SLC4A9: variants seen among roughly 807,000 people sequenced by gnomAD.
SLC4A9 encodes the protein anion exchange protein 4.
SLC4A9 carries 102 observed loss-of-function variants against 103.2 expected under a neutral mutation model. The ratio of observed to expected loss-of-function variants is 0.99; its 90% CI spans 0.84 to 1.17. The LOEUF is 1.17. Ranked by LOEUF, SLC4A9 falls within the 50% of genes most tolerant of loss-of-function variation. The probability of loss-of-function intolerance (pLI) is 0.00; values close to 1 mark genes in which losing one functional copy is unlikely to be tolerated. For synonymous variants in SLC4A9, 453 were observed against 483.6 expected (o/e 0.94, Z 0.83); for missense variants, 1,091 against 1,193.7 (o/e 0.91, Z 1.27).
chr5:140,363,417 C>A lies in SLC4A9; in HGVS notation c.963-22C>A. The A allele has an allele frequency of 1.6e-5, 25 of 1,548,466 alleles. No individual in the cohort carries two copies. The highest frequency in any genetic ancestry group is 2.1e-5 in the Non-Finnish European group (24 of 1,144,694). ...GACTGGTTGGAGATCCTCAGCCAAC[C>A]TGGGGTTCCCCTCCTCCTCAGGCTT... On this transcript the variant is annotated intron_variant, in intron 7 of 21. Coordinates refer to ENST00000506757, the MANE Select transcript of SLC4A9 (RefSeq NM_031467.3). This position sits in a 1 kb window ranked among gnomAD's most constrained non-coding sequence, Gnocchi z 4.5.
At chr5:140,361,191 G>A (rs1265035134) in intron 2 of SLC4A9, 63 bp from the exon 3 acceptor site, 3 of 1,427,532 alleles carry the variant, frequency 2.1e-6, no homozygotes, top group Non-Finnish European at 2.9e-6. Context: ...GGCAGAGGGA[G>A]AAGGGGAAGA....
intron 14 of SLC4A9, among the ~76,000 whole-genome samples, chr5:140,366,937 CA>C (rs1323792283): frequency 6.6e-6 from 1 of 152,200 alleles, no homozygotes; most frequent in East Asian, 1.9e-4. Flanking sequence ...CAAATTCCCC[CA>C]AGACAGGAGA....
At chr5:140,370,462 C>CT (rs1768538259) in intron 17 of SLC4A9, among the ~76,000 whole-genome samples, 1 of 145,018 alleles carries the variant, frequency 6.9e-6, no homozygotes, top group Admixed American at 6.8e-5. Flanking sequence ...GAAACTCCAC[C>CT]TCAAAAAAAA....
intron 14 of SLC4A9, among the ~76,000 whole-genome samples, 169 bp downstream of exon 14, chr5:140,366,433 G>C (rs1023059917): frequency 6.6e-6 from 1 of 152,156 alleles, no homozygotes; most frequent in Non-Finnish European, 1.5e-5. Context: ...ATTAAATGAA[G>C]TACTGCAGCA....
In SLC4A9 at chr5:140,363,785, T is replaced by C. The variant is rs1460518331; in HGVS notation, c.1137T>C (p.Asp379=). ...GGAAGGTCCCGTGGTACCCCAGCGA[T>C]TTCTTGGACGCCCTGCATCTCCAGT... ...VRRKVPWYPS[D]FLDALHLQCF... is the part of the protein sequence containing the mutation. Residue 379 remains aspartate, a synonymous_variant, in exon 9 of 22, where the codon GAT becomes GAC. Transcript: ENST00000506757. The surrounding 1 kb of genome is among the most constrained non-coding windows in gnomAD (Gnocchi z 4.5). 1.9e-6 allele frequency: 3 copies of C among 1,613,758 alleles called. No homozygotes were observed. The highest frequency in any genetic ancestry group is 2.7e-5 in the African/African-American group (2 of 74,902).
chr5:140,365,934 C>G lies in SLC4A9; in HGVS notation c.1811C>G (p.Ala604Gly), dbSNP rs372146652. The G allele has an allele frequency of 3.7e-6, 6 of 1,613,170 alleles. No individual in the cohort carries two copies. Among genetic ancestry groups the G allele is most frequent in the Non-Finnish European group, 5.1e-6 (6 of 1,179,218 alleles). ...GPGCHTVPDI[A>G]FFSLLLFLTS... The stretch of plus-strand genomic sequence containing the variant: ...GGCTGTCATACAGTCCCAGACATTG[C>G]CTTCTTCTCCCTTCTCCTCTTCCTT... The change falls in exon 13 of 22, where the codon GCC becomes GGC. Residue 604 changes from alanine to glycine, a missense_variant. Coordinates refer to ENST00000506757, the MANE Select transcript of SLC4A9 (RefSeq NM_031467.3).
chr5:140,365,845 G>T lies in SLC4A9; in HGVS notation c.1722G>T (p.Leu574=). The change falls in exon 13 of 22, where the codon CTG becomes CTT. Residue 574 remains leucine, a synonymous_variant. Coordinates refer to ENST00000506757, the MANE Select transcript of SLC4A9 (RefSeq NM_031467.3). The part of the protein sequence containing the change: ...RDDIVSMDLG[L]INASLLPPPE... ...CCTCCTGTGTACAGGACTTAGGCCT[G>T]ATCAATGCATCCTTGCTGCCGCCAC... is the stretch of plus-strand genomic sequence containing the variant. 6.2e-7 allele frequency: 1 copy of T among 1,613,686 alleles called. No individual in the cohort carries two copies. The highest frequency in any genetic ancestry group is 8.5e-7 in the Non-Finnish European group (1 of 1,179,764).
intron 20 of SLC4A9, 103 bp from the exon 21 acceptor site, chr5:140,372,642 C>T (rs1226431705): frequency 6.9e-7 from 1 of 1,448,564 alleles, no homozygotes; most frequent in Middle Eastern, 1.8e-4. Flanking sequence ...TCTTTCTCAA[C>T]TCTGATCTTT....
rs371159947 is a variant in SLC4A9, at chr5:140,362,621, AGT to A, written c.807+101_807+102del. 1,417 of 1,290,100 alleles carry A rather than the reference AGT, an allele frequency of 1.1e-3. 1 individual carries two copies. The highest frequency in any genetic ancestry group is 8.0e-3 in the African/African-American group (544 of 68,320). The allele number at this position is 1,290,100 out of a possible 1,614,324, so 79.9% of individuals were successfully genotyped here. Reference sequence around the variant, plus strand: ...ATGCATACATGCATGGGCTCATGTGAGTGTGTGTGTGTGGACTCTGTATGTGT... The same window carrying A: ...ATGCATACATGCATGGGCTCATGTGAGTGTGTGTGTGGACTCTGTATGTGT... On this transcript the variant is annotated intron_variant, in intron 6 of 21. Transcript: ENST00000506757.
chr5:140,368,954 G>A (rs1476892789), intron 17 of SLC4A9, among the ~76,000 whole-genome samples: 1 of 152,198 alleles, frequency 6.6e-6, no homozygotes, highest in Non-Finnish European at 1.5e-5. Context: ...GTGGAGCAAG[G>A]TGTGGGTGTG....
chr5:140,368,414 C>T (rs1768212585), intron 16 of SLC4A9, among the ~76,000 whole-genome samples, 173 bp from the exon 17 acceptor site: 2 of 152,208 alleles, frequency 1.3e-5, no homozygotes, highest in South Asian at 4.1e-4. Flanking sequence ...GCCCCTTCCT[C>T]TCCACCAATT....
At chr5:140,372,510 A>G in intron 20 of SLC4A9, 113 bp downstream of exon 20, 1 of 1,513,884 alleles carries the variant, frequency 6.6e-7, no homozygotes, top group Non-Finnish European at 8.8e-7. Flanking sequence ...TCTGATCAAC[A>G]GTCACTTCCC....
chr5:140,366,283 G>A lies in SLC4A9; in HGVS notation c.2013+19G>A. ...GTTCAAGGTGAGAGCCAGGGAAGAG[G>A]GTTGGGGGACCAGAGGGGAAAGCAG... On this transcript the variant is annotated intron_variant, in intron 14 of 21. Transcript: ENST00000506757. 6.5e-7 allele frequency: 1 copy of A among 1,548,064 alleles called. No individual in the cohort carries two copies. Among genetic ancestry groups the A allele is most frequent in the Non-Finnish European group, 8.8e-7 (1 of 1,140,790 alleles).
At position 140,365,982 on chromosome 5, in the gene SLC4A9, C is replaced by T. The variant is rs557811851; in HGVS notation, c.1859C>T (p.Ala620Val). The T allele has an allele frequency of 8.2e-5, 132 of 1,614,018 alleles. 2 individuals carry two copies. In the South Asian group the frequency reaches 1.4e-3, roughly 17 times the overall value. Residue 620 changes from alanine to valine, a missense_variant, in exon 13 of 22, where the codon GCC becomes GTC. Ala to Val is a moderately conservative substitution (Grantham distance 64). Transcript: ENST00000506757. ...LFLTSFFFAM[A>V]LKCVKTSRFF... ...CTTACTTCTTTCTTCTTTGCTATGG[C>T]CCTCAAGTGTGTAAAGACCAGCCGC... is the stretch of plus-strand genomic sequence containing the variant.
chr5:140,361,723 G>C (rs1421778801), intron 3 of SLC4A9, 85 bp from the exon 4 acceptor site: 1 of 1,457,302 alleles, frequency 6.9e-7, no homozygotes. Flanking sequence ...CTTACAGCTT[G>C]TCAGTGGCAA....
chr5:140,361,193 AG>A, intron 2 of SLC4A9, 60 bp from the exon 3 acceptor site: 1 of 1,429,774 alleles, frequency 7.0e-7, no homozygotes, highest in Non-Finnish European at 9.6e-7. Flanking sequence ...CAGAGGGAGA[AG>A]GGGAAGAGTG....
At position 140,362,019 on chromosome 5, in the gene SLC4A9, T is replaced by TCAGAACCCCCTGAGACAGAAGCTAC. The variant is rs770777548; in HGVS notation, c.566_590dup (p.Pro198GlufsTer12). 7 of 1,612,738 alleles carry TCAGAACCCCCTGAGACAGAAGCTAC rather than the reference T, an allele frequency of 4.3e-6. No homozygotes were observed. The highest frequency in any genetic ancestry group is 5.9e-6 in the Non-Finnish European group (7 of 1,179,586). ...TGTCTCCTTGAACCCCCATCCAGTG[T>TCAGAACCCCCTGAGACAGAAGCTAC]CAGAACCCCCTGAGACAGAAGCTAC... On this transcript the variant is annotated frameshift_variant, in exon 5 of 22. Transcript: ENST00000506757. LOFTEE classifies it high-confidence loss of function.
rs749176217 is a variant in SLC4A9, at chr5:140,363,933, G to C, written c.1254+31G>C. The C allele has an allele frequency of 1.9e-6, 3 of 1,608,792 alleles. No homozygotes were observed. Among genetic ancestry groups the C allele is most frequent in the African/African-American group, 2.7e-5 (2 of 74,870 alleles). ...TAGGGCCCAGGGGGCAGGCACAAGC[G>C]TTGGTGTCCCCTAGTCCATCCCTTC... is the stretch of plus-strand genomic sequence containing the variant. On this transcript the variant is annotated intron_variant, in intron 9 of 21. Transcript: ENST00000506757. The surrounding 1 kb of genome is among the most constrained non-coding windows in gnomAD (Gnocchi z 4.5).
In SLC4A9 at chr5:140,362,510, C is replaced by CA; in HGVS notation, c.786dup (p.Ala263SerfsTer6). ...GGCTACCATGAGATGGGACGGGCAG[C>CA]AGCTGTCCTCCTCAGTGACCCGGTG... On this transcript the variant is annotated frameshift_variant, in exon 6 of 22. Coordinates refer to ENST00000506757, the MANE Select transcript of SLC4A9 (RefSeq NM_031467.3). LOFTEE classifies it high-confidence loss of function. 1 of 1,613,996 alleles carries CA rather than the reference C, an allele frequency of 6.2e-7. No individual in the cohort carries two copies. Among genetic ancestry groups the CA allele is most frequent in the Non-Finnish European group, 8.5e-7 (1 of 1,179,846 alleles).
Sources: allele counts gnomAD v4.1 joint callset (sites outside exome capture counted in the v4.1 genomes callset), GRCh38; gene constraint gnomAD v4.1.1; non-coding constraint Gnocchi (gnomAD v3.1); transcripts MANE v1.5; gene names NCBI Gene and HGNC (gene_info 2026-07-23, HGNC 2026-07-21).